Variants in CHST15 observed in about 807,000 individuals in gnomAD.
The protein encoded by CHST15 is B cell RAG associated protein (GALNAC4S-6ST).
In CHST15, 30 loss-of-function variants were observed where a neutral mutation model predicts 53.6. That is an observed-to-expected ratio of 0.56 (90% CI 0.42 to 0.76). The LOEUF is 0.76. Among genes scored for constraint, CHST15 ranks in the 30% least tolerant of loss-of-function variants. CHST15 has a pLI of 0.00. For synonymous variants in CHST15, 296 were observed against 289.8 expected (o/e 1.02, Z -0.22); for missense variants, 627 against 740.5 (o/e 0.85, Z 1.78).
In CHST15 at chr10:124,007,687, A is replaced by G; in HGVS notation, c.*2462T>C. ...AAGAGCTTGGCTGCAGAGGAAGAGC[A>G]CGCGCTCCACAGGCGTCACTCTTAT... On this transcript the variant is annotated 3_prime_UTR_variant, in exon 8 of 8. Transcript: ENST00000435907. 1 of 1,219,690 alleles carries G rather than the reference A, an allele frequency of 8.2e-7. No individual in the cohort carries two copies. Among genetic ancestry groups the G allele is most frequent in the Non-Finnish European group, 1.0e-6 (1 of 981,246 alleles). 75.6% of individuals were successfully genotyped at this position (1,219,690 alleles called of 1,614,324 possible).
At chr10:124,022,005 C>T (rs748684055) in intron 5 of CHST15, among the ~76,000 whole-genome samples, 15 of 152,152 alleles carry the variant, frequency 9.9e-5, no homozygotes, top group South Asian at 4.1e-4. Flanking sequence ...CAGACTTACA[C>T]GTTTACCCGT....
chr10:124,014,622 G>A (rs558566354), intron 6 of CHST15, among the ~76,000 whole-genome samples: 4 of 152,206 alleles, frequency 2.6e-5, no homozygotes, highest in Non-Finnish European at 5.9e-5. Flanking sequence ...CCCGCCTCCC[G>A]GGGCTTTTCA....
chr10:124,030,863 T>G (rs1947198256), intron 5 of CHST15, among the ~76,000 whole-genome samples: 1 of 152,262 alleles, frequency 6.6e-6, no homozygotes, highest in African/African-American at 2.4e-5. Flanking sequence ...AAGGCATGAA[T>G]CCGGCTCAGC....
intron 1 of CHST15, among the ~76,000 whole-genome samples, chr10:124,056,423 T>A (rs562450159): frequency 5.4e-4 from 82 of 152,264 alleles, no homozygotes; most frequent in African/African-American, 2.0e-3. Context: ...ACTCTATTCA[T>A]CACTCAGGCT....
intron 7 of CHST15, 137 bp downstream of exon 7, chr10:124,012,196 C>A: frequency 1.1e-6 from 1 of 927,338 alleles, no homozygotes; most frequent in Non-Finnish European, 1.6e-6. Context: ...AACAGGCCTC[C>A]TGAAGGACAT....
At chr10:124,062,116 G>C (rs1157458924) in intron 1 of CHST15, among the ~76,000 whole-genome samples, 5 of 151,844 alleles carry the variant, frequency 3.3e-5, no homozygotes, top group Admixed American at 3.3e-4. Context: ...CACTGCAATG[G>C]AAAACCCCAA....
At chr10:124,077,618 G>A (rs1443615931) in intron 1 of CHST15, among the ~76,000 whole-genome samples, 3 of 152,196 alleles carry the variant, frequency 2.0e-5, no homozygotes, top group African/African-American at 7.2e-5. Flanking sequence ...GTTAGTTTCT[G>A]CAACTCATCC....
chr10:124,048,151 T>C (rs1948066435), intron 1 of CHST15, among the ~76,000 whole-genome samples: 2 of 152,246 alleles, frequency 1.3e-5, no homozygotes, highest in Non-Finnish European at 2.9e-5. Flanking sequence ...CCACAAAATG[T>C]TCTGCTTGCC....
chr10:124,081,447 C>T (rs1164528734), intron 1 of CHST15, among the ~76,000 whole-genome samples: 1 of 152,208 alleles, frequency 6.6e-6, no homozygotes, highest in Non-Finnish European at 1.5e-5. Flanking sequence ...GATGTAACAG[C>T]TGATGTAGGA....
At chr10:124,072,699 A>G (rs1948957994) in intron 1 of CHST15, among the ~76,000 whole-genome samples, 2 of 152,202 alleles carry the variant, frequency 1.3e-5, no homozygotes, top group Admixed American at 6.5e-5. Flanking sequence ...CACCCAAAGC[A>G]TGGAGACTAA....
chr10:124,076,572 TG>T (rs1949077523), intron 1 of CHST15, among the ~76,000 whole-genome samples: 1 of 152,218 alleles, frequency 6.6e-6, no homozygotes, highest in African/African-American at 2.4e-5. Context: ...TAAATCACAT[TG>T]GTCTAGGATC....
chr10:124,089,276 C>T (rs1206999607), intron 1 of CHST15, among the ~76,000 whole-genome samples: 1 of 152,242 alleles, frequency 6.6e-6, no homozygotes, highest in Non-Finnish European at 1.5e-5. Flanking sequence ...ATCAATGACA[C>T]TCCCAAGTCA....
intron 1 of CHST15, among the ~76,000 whole-genome samples, chr10:124,069,671 G>A (rs1316756850): frequency 1.3e-5 from 2 of 152,196 alleles, no homozygotes; most frequent in African/African-American, 4.8e-5. Flanking sequence ...GTGAGGCAGA[G>A]CAGGGGACCC....
Position 124,007,935 on chromosome 10 carries a change from G to A in CHST15, c.*2214C>T. The A allele has an allele frequency of 1.6e-6, 2 of 1,232,100 alleles. No homozygotes were observed. Among genetic ancestry groups the A allele is most frequent in the Non-Finnish European group, 2.0e-6 (2 of 987,974 alleles). 76.3% of individuals were successfully genotyped at this position (1,232,100 alleles called of 1,614,324 possible). A position where few individuals can be genotyped will look rare whatever the true frequency, so the allele number is the denominator to read the frequency against. On this transcript the variant is annotated 3_prime_UTR_variant, in exon 8 of 8. Transcript: ENST00000435907. ...AGAACGGAACCTATTCTGTCAGCAAGAGCCGGGCCTCGAATGAGAGGAAGC... is the reference window on the plus strand; with the variant it reads ...AGAACGGAACCTATTCTGTCAGCAAAAGCCGGGCCTCGAATGAGAGGAAGC...
chr10:124,017,398 C>G (rs1226680689), intron 6 of CHST15, among the ~76,000 whole-genome samples: 3 of 152,208 alleles, frequency 2.0e-5, no homozygotes, highest in Non-Finnish European at 2.9e-5. Flanking sequence ...CCCTCACTGT[C>G]CTCATCTGCT....
intron 5 of CHST15, among the ~76,000 whole-genome samples, chr10:124,030,212 G>T (rs1947173828): frequency 6.6e-6 from 1 of 152,146 alleles, no homozygotes; most frequent in Non-Finnish European, 1.5e-5. Context: ...TCTGGCCTGG[G>T]CGCTGCCAGC....
intron 1 of CHST15, among the ~76,000 whole-genome samples, chr10:124,080,631 G>A (rs1180582657): frequency 2.6e-5 from 4 of 152,178 alleles, no homozygotes; most frequent in Non-Finnish European, 5.9e-5. Context: ...AAGAGGATGT[G>A]CAGAGCCTGA....
intron 5 of CHST15, among the ~76,000 whole-genome samples, chr10:124,025,882 C>T (rs566456538): frequency 2.6e-5 from 4 of 152,230 alleles, no homozygotes; most frequent in East Asian, 1.9e-4. Flanking sequence ...GAGCAGGGGA[C>T]GGCTTTTATC....
intron 5 of CHST15, 96 bp from the exon 6 acceptor site, chr10:124,021,508 G>A: frequency 6.6e-7 from 1 of 1,518,044 alleles, no homozygotes; most frequent in Non-Finnish European, 8.8e-7. Context: ...ACATTATCTA[G>A]TTTTCCTGAT....
Sources: allele counts gnomAD v4.1 joint callset (sites outside exome capture counted in the v4.1 genomes callset), GRCh38; gene constraint gnomAD v4.1.1; transcripts MANE v1.5; gene names NCBI Gene and HGNC (gene_info 2026-07-23, HGNC 2026-07-21).